SEMA6D: variants seen among roughly 807,000 people sequenced by gnomAD.
SEMA6D encodes semaphorin-6D.
Under a neutral mutation model 106.6 loss-of-function variants are expected in SEMA6D, and 35 were observed. That is an observed-to-expected ratio of 0.33 (90% CI 0.25 to 0.44). The LOEUF (loss-of-function observed/expected upper bound fraction) is 0.44, where lower values mean the gene tolerates loss of function less well. Ranked by LOEUF, SEMA6D falls within the 20% of genes least tolerant of loss-of-function variation. The probability of loss-of-function intolerance (pLI) is 1.00; values close to 1 mark genes in which losing one functional copy is unlikely to be tolerated. For synonymous variants in SEMA6D, 499 were observed against 487.7 expected, an observed-to-expected ratio of 1.02 and a Z score of -0.31; for missense variants, 1,185 against 1,345.9, an observed-to-expected ratio of 0.88 and a Z score of 1.87.
chr15:47,636,245 T>G (rs11070604), intron 4 of SEMA6D, among the ~76,000 whole-genome samples: 42,462 of 152,132 alleles, frequency 0.28, 7,196 homozygotes, highest in East Asian at 0.45. Context: ...TAAAATGAAA[T>G]TTAAAAGTAC....
intron 3 of SEMA6D, among the ~76,000 whole-genome samples, chr15:47,597,463 C>A (rs1322892797): frequency 1.3e-5 from 2 of 151,938 alleles, no homozygotes; most frequent in Non-Finnish European, 2.9e-5. Context: ...GTGGAAATAA[C>A]TTAAGTATCA....
At chr15:47,656,165 T>C (rs1012395963) in intron 4 of SEMA6D, among the ~76,000 whole-genome samples, 1 of 152,252 alleles carries the variant, frequency 6.6e-6, no homozygotes, top group African/African-American at 2.4e-5. Context: ...GTTATAGTGC[T>C]GTTGGCTGTG....
chr15:47,194,850 T>A (rs567269872), intron 1 of SEMA6D, among the ~76,000 whole-genome samples: 54 of 152,272 alleles, frequency 3.5e-4, no homozygotes, highest in Middle Eastern at 3.4e-3. Flanking sequence ...CTTTTTATCA[T>A]AAAAGTATAA....
Position 47,770,523 on chromosome 15 carries a change from G to A in SEMA6D, c.1960G>A (p.Glu654Lys), listed in dbSNP as rs1329695777. The stretch of plus-strand genomic sequence containing the variant: ...TGTACGATGGGAAGTCCAGTCTGGA[G>A]AGTCCAACCAGATGGTCCACATGAA... Reference protein sequence around the residue: ...KGVRWEVQSGESNQMVHMNVL... With the variant: ...KGVRWEVQSGKSNQMVHMNVL... Residue 654 changes from glutamate (E) to lysine (K), a missense_variant, in exon 19 of 19, where the codon GAG (glutamate) becomes AAG (lysine). Physicochemically the swap from Glu to Lys is moderately conservative, Grantham distance 56. This residue lies in a region of SEMA6D where 750 missense variants were observed against 783.5 expected (regional missense o/e 0.96). Transcript: ENST00000536845. 2 of 1,603,852 alleles carry A rather than the reference G, an allele frequency of 1.2e-6. No individual in the cohort carries two copies. The highest frequency in any genetic ancestry group is 3.3e-5 in the Admixed American group (2 of 59,780).
intron 1 of SEMA6D, among the ~76,000 whole-genome samples, chr15:47,351,016 A>G (rs1479729977): frequency 6.6e-6 from 1 of 152,156 alleles, no homozygotes; most frequent in Non-Finnish European, 1.5e-5. Flanking sequence ...TTGGATTGAT[A>G]TTAGCAGTTC....
At chr15:47,730,532 C>T (rs1199776951) in intron 1 of SEMA6D, 65 of 1,319,862 alleles carry the variant, frequency 4.9e-5, no homozygotes, top group Non-Finnish European at 6.3e-5. Flanking sequence ...AACTCCTGCT[C>T]GAAGGACAGG....
intron 1 of SEMA6D, chr15:47,397,977 C>T (rs2040272982): frequency 1.3e-5 from 2 of 152,126 alleles, no homozygotes; most frequent in South Asian, 4.1e-4. Context: ...CTTATAAACC[C>T]TGGGTTCTTA....
intron 1 of SEMA6D, among the ~76,000 whole-genome samples, chr15:47,747,956 C>A (rs1259244149): frequency 2.6e-5 from 4 of 152,226 alleles, no homozygotes; most frequent in Admixed American, 6.5e-5. Context: ...CATATATCCA[C>A]TCTCTAATCT....
chr15:47,749,336 C>T (rs2081308525), intron 1 of SEMA6D, among the ~76,000 whole-genome samples: 1 of 152,094 alleles, frequency 6.6e-6, no homozygotes, highest in Non-Finnish European at 1.5e-5. Flanking sequence ...CCACCTTGGC[C>T]TCCCAGATTG....
At chr15:47,330,333 T>C (rs2144062577) in intron 1 of SEMA6D, among the ~76,000 whole-genome samples, 2 of 152,292 alleles carry the variant, frequency 1.3e-5, no homozygotes, top group Admixed American at 1.3e-4. Flanking sequence ...GGGTAAGGCA[T>C]TCACAGACAT....
intron 3 of SEMA6D, among the ~76,000 whole-genome samples, chr15:47,552,803 TAAAA>T (rs1396768597): frequency 2.5e-4 from 8 of 32,594 alleles, no homozygotes; most frequent in African/African-American, 1.3e-3. Context: ...TATATATATA[TAAAA>T]ATATATATAA....
At chr15:47,487,394 T>C (rs972183823) in intron 3 of SEMA6D, among the ~76,000 whole-genome samples, 29 of 152,224 alleles carry the variant, frequency 1.9e-4, no homozygotes, top group African/African-American at 6.0e-4. Flanking sequence ...TCCAAGCCTT[T>C]GTCCACACAT....
rs550325541 is a variant in SEMA6D, at chr15:47,693,384, G to A, written c.-54-66361G>A. On this transcript the variant is annotated intron_variant, in intron 4 of 19. Coordinates refer to the SEMA6D transcript ENST00000558014. ...AAGCTTCTGTAGTTTAAACCACCCA[G>A]TCGGTGGCACTTTGTTACACCAGCC... Among the ~76,000 whole-genome samples the A allele has an allele frequency of 2.6e-5, 4 of 152,244 alleles. No individual in the cohort carries two copies. The South Asian group carries it at 8.3e-4, about 32-fold the overall frequency.
At chr15:47,509,735 T>G (rs1178012445) in intron 3 of SEMA6D, among the ~76,000 whole-genome samples, 1 of 152,216 alleles carries the variant, frequency 6.6e-6, no homozygotes, top group African/African-American at 2.4e-5. Context: ...CAGGCCTATC[T>G]GTCGCTAGTC....
At chr15:47,251,907 ATTTTTTTTTTTTTTTTTTT>A (rs994788645) in intron 1 of SEMA6D, among the ~76,000 whole-genome samples, 1 of 81,996 alleles carries the variant, frequency 1.2e-5, no homozygotes, top group Non-Finnish European at 2.3e-5. Flanking sequence ...TTCTAATTGG[ATTTTTTTTTTTTTTTTTTT>A]TTTTTTTGAG....
chr15:47,302,619 G>A (rs891317479), intron 1 of SEMA6D, among the ~76,000 whole-genome samples: 1 of 152,152 alleles, frequency 6.6e-6, no homozygotes, highest in Non-Finnish European at 1.5e-5. Context: ...AAAGGGAAGA[G>A]AGTCACCAGT....
At chr15:47,750,527 C>T (rs2081370716) in intron 1 of SEMA6D, among the ~76,000 whole-genome samples, 1 of 152,158 alleles carries the variant, frequency 6.6e-6, no homozygotes, top group African/African-American at 2.4e-5. Context: ...TGATTTGTTC[C>T]TCATGGTGTG....
intron 17 of SEMA6D, 34 bp from the exon 18 acceptor site, chr15:47,768,547 A>G (rs2082465556): frequency 6.5e-7 from 1 of 1,542,430 alleles, no homozygotes; most frequent in African/African-American, 1.4e-5. Context: ...TCTTGACACT[A>G]TCCATATTAA....
chr15:47,627,479 T>TCAC (rs1566944669), intron 4 of SEMA6D, among the ~76,000 whole-genome samples: 3 of 152,194 alleles, frequency 2.0e-5, no homozygotes, highest in Admixed American at 2.0e-4. Flanking sequence ...CTCTGAGCCA[T>TCAC]CACTGTTTCT....
Sources: allele counts gnomAD v4.1 joint callset (sites outside exome capture counted in the v4.1 genomes callset), GRCh38; gene constraint gnomAD v4.1.1; regional missense constraint gnomAD v4.1.1; transcripts MANE v1.5; gene names NCBI Gene and HGNC (gene_info 2026-07-23, HGNC 2026-07-21).